The following DNAJC18 variants were observed in gnomAD, a reference collection of about 807,000 sequenced individuals.
DNAJC18 encodes DnaJ heat shock protein family (Hsp40) member C18, also known as dnaJ homolog subfamily C member 18.
Under a neutral mutation model 48.6 loss-of-function variants are expected in DNAJC18, and 40 were observed. The ratio of observed to expected loss-of-function variants is 0.82; its 90% CI spans 0.64 to 1.07. The LOEUF (loss-of-function observed/expected upper bound fraction) is 1.07, where lower values mean the gene tolerates loss of function less well. Among genes scored for constraint, DNAJC18 ranks in the 50% least tolerant of loss-of-function variants. The pLI is 0.00. For missense variants in DNAJC18, 340 were observed against 427.7 expected (o/e 0.79, Z 1.81); for synonymous variants, 135 against 152.2 (o/e 0.89, Z 0.83).
intron 2 of DNAJC18, among the ~76,000 whole-genome samples, chr5:139,430,788 C>G (rs910159947): frequency 6.6e-6 from 1 of 152,034 alleles, no homozygotes; most frequent in South Asian, 2.1e-4. Context: ...CCAGGCTGGT[C>G]TCGAACTCTT....
Position 139,414,152 on chromosome 5 carries a change from C to G in DNAJC18, c.1073G>C (p.Gly358Ala). 6.2e-7 allele frequency: 1 copy of G among 1,613,264 alleles called. No individual in the cohort carries two copies. Among genetic ancestry groups the G allele is most frequent in the Non-Finnish European group, 8.5e-7 (1 of 1,179,754 alleles). Residue 358 changes from glycine (G) to alanine (A), a missense_variant, in exon 8 of 8, where the codon GGC becomes GCC. Gly to Ala is a moderately conservative substitution (Grantham distance 60, BLOSUM62 0). Transcript: ENST00000302060. ...LSKLIGLRRG[G>A] ...CTGCGTAGGACCATTATCCTCTCAGCCACCTCTGCGTAGGCCAATGAGTTT... is the reference window on the plus strand; with the variant it reads ...CTGCGTAGGACCATTATCCTCTCAGGCACCTCTGCGTAGGCCAATGAGTTT...
At chr5:139,420,905 A>G (rs539171517) in intron 6 of DNAJC18, among the ~76,000 whole-genome samples, 1 of 152,282 alleles carries the variant, frequency 6.6e-6, no homozygotes, top group South Asian at 2.1e-4. Flanking sequence ...GTTTTCTTCA[A>G]ACTGGACAAA....
intron 7 of DNAJC18, among the ~76,000 whole-genome samples, chr5:139,416,788 C>G (rs759961831): frequency 6.6e-6 from 1 of 152,226 alleles, no homozygotes; most frequent in Non-Finnish European, 1.5e-5. Context: ...TCCAGCCCAG[C>G]CTAGTGGTGT....
Position 139,439,383 on chromosome 5 carries a change from T to A in DNAJC18, c.40+23A>T. ...TCTCTCCCGAAGGCCGCCCTATCCCTCCTTCAGGCGGGGACCTAGTACCTT... is the reference window on the plus strand; with the variant it reads ...TCTCTCCCGAAGGCCGCCCTATCCCACCTTCAGGCGGGGACCTAGTACCTT... On this transcript the variant is annotated intron_variant, in intron 1 of 7. Coordinates refer to ENST00000302060, the MANE Select transcript of DNAJC18 (RefSeq NM_152686.4). The surrounding 1 kb of genome is among the most constrained non-coding windows in gnomAD (Gnocchi z 4.1). 1 of 1,614,046 alleles carries A rather than the reference T, an allele frequency of 6.2e-7. No homozygotes were observed. Among genetic ancestry groups the A allele is most frequent in the Non-Finnish European group, 8.5e-7 (1 of 1,179,948 alleles).
chr5:139,418,453 T>C (rs1469224723), intron 7 of DNAJC18, among the ~76,000 whole-genome samples: 1 of 152,248 alleles, frequency 6.6e-6, no homozygotes, highest in Admixed American at 6.5e-5. Context: ...ATATACTGCC[T>C]TTTAATATGA....
chr5:139,435,920 C>T (rs1312108965), intron 2 of DNAJC18, among the ~76,000 whole-genome samples: 2 of 151,222 alleles, frequency 1.3e-5, no homozygotes, highest in Non-Finnish European at 2.9e-5. Context: ...AATGAAGTTT[C>T]GCCATGTTGG....
At chr5:139,422,859 T>A in intron 5 of DNAJC18, 42 bp from the exon 6 acceptor site, 1 of 1,350,862 alleles carries the variant, frequency 7.4e-7, no homozygotes. Context: ...TAAGTGTTCT[T>A]TTTTTTTTTT....
chr5:139,435,978 C>T (rs1176629301), intron 2 of DNAJC18, among the ~76,000 whole-genome samples: 1 of 151,850 alleles, frequency 6.6e-6, no homozygotes, highest in Non-Finnish European at 1.5e-5. Flanking sequence ...CCCACCTCAG[C>T]CTCCCAAAGT....
At chr5:139,432,025 C>T (rs1193723195) in intron 2 of DNAJC18, among the ~76,000 whole-genome samples, 1 of 152,122 alleles carries the variant, frequency 6.6e-6, no homozygotes, top group Non-Finnish European at 1.5e-5. Flanking sequence ...CCTATTCAGA[C>T]CCTTTGCCCA....
rs184233818 is a variant in DNAJC18, at chr5:139,421,053, C to T, written c.780-828G>A. 7.9e-5 allele frequency among the ~76,000 whole-genome samples: 12 copies of T among 152,270 alleles called. 1 individual carries two copies. In the South Asian group the frequency reaches 8.3e-4, roughly 11 times the overall value. ...TTTGGGGGAGCTTACAGAGCAGGTC[C>T]GTGCTTACCCCGCTGGCCTCACAAG... On this transcript the variant is annotated intron_variant, in intron 6 of 7. Transcript: ENST00000302060.
chr5:139,422,767 A>G lies in DNAJC18; in HGVS notation c.720T>C (p.Ile240=). ...IQLLPVLVIV[I]ISVITQLLAT... Reference sequence around the variant, plus strand: ...CCAGCAGCTGAGTAATGACAGATATAATCACAATCACAAGAACTGGAAGTA... The same window carrying G: ...CCAGCAGCTGAGTAATGACAGATATGATCACAATCACAAGAACTGGAAGTA... The change falls in exon 6 of 8, where the codon ATT becomes ATC. Residue 240 remains isoleucine (I), a synonymous_variant. Coordinates refer to ENST00000302060, the MANE Select transcript of DNAJC18 (RefSeq NM_152686.4). The G allele has an allele frequency of 6.2e-7, 1 of 1,611,526 alleles. No individual in the cohort carries two copies.
At chr5:139,427,402 G>A (rs1022860461) in intron 3 of DNAJC18, among the ~76,000 whole-genome samples, 10 of 151,980 alleles carry the variant, frequency 6.6e-5, no homozygotes, top group South Asian at 2.1e-4. Context: ...AAGGCATCCC[G>A]CACTCCCTAC....
At chr5:139,431,862 C>T (rs1759334324) in intron 2 of DNAJC18, among the ~76,000 whole-genome samples, 1 of 152,130 alleles carries the variant, frequency 6.6e-6, no homozygotes, top group Non-Finnish European at 1.5e-5. Flanking sequence ...TATCATCCAC[C>T]TTTTTGACTA....
rs70982778 is a variant in DNAJC18, at chr5:139,430,586, C to CTTT, written c.228-1906_228-1904dup. On this transcript the variant is annotated intron_variant, in intron 2 of 7. Transcript: ENST00000302060. ...ATTACCTAGTACTATATATCTACCT[C>CTTT]TTTTTTTTTTTTTTGAGACAGAGCC... 9.7e-3 allele frequency among the ~76,000 whole-genome samples: 1,422 copies of CTTT among 145,876 alleles called. 16 individuals carry two copies. Among genetic ancestry groups the CTTT allele is most frequent in the Admixed American group, 0.014 (203 of 14,652 alleles).
In DNAJC18 at chr5:139,419,237, C is replaced by T. The variant is rs1235492429; in HGVS notation, c.952+816G>A. On this transcript the variant is annotated intron_variant, in intron 7 of 7. Coordinates refer to ENST00000302060, the MANE Select transcript of DNAJC18 (RefSeq NM_152686.4). ...GTTTTAGAAGACACAGTCACTAACGCGGTATGTGTGTGTAGAATTCAAGTG... is the reference window on the plus strand; with the variant it reads ...GTTTTAGAAGACACAGTCACTAACGTGGTATGTGTGTGTAGAATTCAAGTG... 3.5e-5 allele frequency: 15 copies of T among 427,196 alleles called. No homozygotes were observed. In the East Asian group the frequency reaches 6.3e-4, roughly 18 times the overall value. The allele number at this position is 427,196 out of a possible 1,614,324, so 26.5% of individuals were successfully genotyped here. A position where few individuals can be genotyped will look rare whatever the true frequency, so the allele number is the denominator to read the frequency against.
At chr5:139,414,332 T>C in intron 7 of DNAJC18, 60 bp from the exon 8 acceptor site, 1 of 1,548,594 alleles carries the variant, frequency 6.5e-7, no homozygotes, top group Non-Finnish European at 8.7e-7. Flanking sequence ...TTCATTTCAA[T>C]GTTTCTGGAG....
intron 5 of DNAJC18, among the ~76,000 whole-genome samples, chr5:139,423,182 C>T (rs1396072093): frequency 4.6e-5 from 7 of 151,968 alleles, no homozygotes; most frequent in African/African-American, 1.5e-4. Context: ...GATAGTTGCT[C>T]CAAAGAAAAT....
chr5:139,425,192 T>G, intron 4 of DNAJC18, 78 bp from the exon 5 acceptor site: 1 of 1,263,718 alleles, frequency 7.9e-7, no homozygotes, highest in Non-Finnish European at 1.1e-6. Context: ...GAGATGGAGT[T>G]TTGCTCTGTT....
intron 6 of DNAJC18, 89 bp from the exon 7 acceptor site, chr5:139,420,314 T>C: frequency 5.4e-6 from 7 of 1,301,190 alleles, no homozygotes; most frequent in Non-Finnish European, 7.3e-6. Context: ...ATCATCATCA[T>C]CTGCTCATAG....
Sources: gnomAD v4.1 joint callset for allele counts (sites outside exome capture counted in the v4.1 genomes callset) on GRCh38, gnomAD v4.1.1 for gene constraint, Gnocchi (gnomAD v3.1) non-coding constraint, MANE v1.5 for transcripts, NCBI Gene and HGNC (gene_info 2026-07-23, HGNC 2026-07-21) for gene names.